Variants in NRXN3 observed in about 807,000 individuals in gnomAD.
NRXN3 encodes neurexin III.
In NRXN3, 32 loss-of-function variants were observed where a neutral mutation model predicts 137.6. The observed-to-expected ratio is 0.23, with a 90% CI of 0.18 to 0.31. NRXN3 has a LOEUF of 0.31. Among genes scored for constraint, NRXN3 ranks in the 10% least tolerant of loss-of-function variants. The pLI, the probability that NRXN3 is intolerant of heterozygous loss-of-function variation, is 1.00. For missense variants in NRXN3, 1,574 were observed against 2,062.5 expected, an observed-to-expected ratio of 0.76 and a Z score of 4.59; for synonymous variants, 798 against 784.5, an observed-to-expected ratio of 1.02 and a Z score of -0.29.
intron 15 of NRXN3, among the ~76,000 whole-genome samples, chr14:79,392,923 T>G (rs2094898183): frequency 7.8e-6 from 1 of 128,896 alleles, no homozygotes; most frequent in South Asian, 2.5e-4. Context: ...TGAGCCAAGA[T>G]CCTGCCACTG....
At chr14:79,786,333 T>G (rs10134488) in intron 19 of NRXN3, among the ~76,000 whole-genome samples, 19,747 of 152,204 alleles carry the variant, frequency 0.13, 1,669 homozygotes, top group African/African-American at 0.23. Flanking sequence ...ATGCAGATAT[T>G]GTTATGGATA....
chr14:78,752,137 G>C (rs2098645810), intron 8 of NRXN3, among the ~76,000 whole-genome samples: 1 of 152,348 alleles, frequency 6.6e-6, no homozygotes, highest in Non-Finnish European at 1.5e-5. Flanking sequence ...AGGCGCGGTG[G>C]CTCATGCCTG....
At chr14:78,516,554 C>CTTTCAAT (rs1041782587) in intron 4 of NRXN3, among the ~76,000 whole-genome samples, 7 of 151,528 alleles carry the variant, frequency 4.6e-5, no homozygotes, top group African/African-American at 1.5e-4. Context: ...TTGCAGGGGG[C>CTTTCAAT]TTTCAATTTT....
intron 8 of NRXN3, among the ~76,000 whole-genome samples, 185 bp from the exon 9 acceptor site, chr14:78,803,435 C>G (rs1567355498): frequency 6.6e-6 from 1 of 152,140 alleles, no homozygotes; most frequent in Non-Finnish European, 1.5e-5. Context: ...AATAGAGCCT[C>G]AGAGGTTAAG....
chr14:78,628,752 T>C (rs1470411911), intron 4 of NRXN3, among the ~76,000 whole-genome samples: 12 of 152,200 alleles, frequency 7.9e-5, no homozygotes, highest in Admixed American at 7.9e-4. Flanking sequence ...TAGAGCTCTG[T>C]CACCTTGGGA....
chr14:78,748,131 G>T (rs1177571888), intron 8 of NRXN3, among the ~76,000 whole-genome samples: 1 of 152,008 alleles, frequency 6.6e-6, no homozygotes, highest in Non-Finnish European at 1.5e-5. Context: ...TCTACTCTCT[G>T]CTGGGTATTG....
chr14:79,550,598 C>G (rs2008386), intron 16 of NRXN3, among the ~76,000 whole-genome samples: 134,089 of 152,126 alleles, frequency 0.88, 59,327 homozygotes, highest in Admixed American at 0.92. Flanking sequence ...TGGGCATTCA[C>G]AGTAGTCCAG....
At chr14:79,843,910 A>G (rs942355920) in intron 20 of NRXN3, among the ~76,000 whole-genome samples, 2 of 151,836 alleles carry the variant, frequency 1.3e-5, no homozygotes, top group Non-Finnish European at 2.9e-5. Flanking sequence ...CCCCCTCCCA[A>G]CCTTCAAGTC....
chr14:78,564,756 C>T (rs2096822039), intron 4 of NRXN3, among the ~76,000 whole-genome samples: 1 of 152,128 alleles, frequency 6.6e-6, no homozygotes. Context: ...GTAGGTTTTG[C>T]CTATCATCCC....
chr14:78,823,088 G>C (rs929090388), intron 10 of NRXN3, among the ~76,000 whole-genome samples: 1 of 152,180 alleles, frequency 6.6e-6, no homozygotes, highest in African/African-American at 2.4e-5. Flanking sequence ...TTGGCATTTA[G>C]AGATGCATAG....
intron 4 of NRXN3, among the ~76,000 whole-genome samples, chr14:78,551,197 G>T (rs1397756865): frequency 2.0e-5 from 3 of 152,154 alleles, no homozygotes; most frequent in Non-Finnish European, 4.4e-5. Flanking sequence ...TCAGAGAAGG[G>T]TCCACTTAAG....
At chr14:78,934,161 C>CA (rs556509445) in intron 10 of NRXN3, among the ~76,000 whole-genome samples, 9,538 of 85,520 alleles carry the variant, frequency 0.11, 689 homozygotes, top group African/African-American at 0.25. Flanking sequence ...AAACGACAAC[C>CA]AAAAAAAAAA....
intron 16 of NRXN3, among the ~76,000 whole-genome samples, chr14:79,477,019 C>T (rs566726451): frequency 5.9e-5 from 9 of 151,836 alleles, no homozygotes; most frequent in South Asian, 2.1e-4. Context: ...AATATCTAGC[C>T]GGGGGGTAGA....
intron 20 of NRXN3, among the ~76,000 whole-genome samples, chr14:79,817,337 G>T (rs1348455611): frequency 6.6e-6 from 1 of 152,174 alleles, no homozygotes; most frequent in African/African-American, 2.4e-5. Context: ...ACAGGTATGA[G>T]CCACCGTTCC....
chr14:78,915,345 C>CAAAAAAAAAAA (rs35908076), intron 10 of NRXN3, among the ~76,000 whole-genome samples: 14 of 11,190 alleles, frequency 1.3e-3, no homozygotes, highest in African/African-American at 3.4e-3. Context: ...ACGTGTGAAG[C>CAAAAAAAAAAA]AAAAAAAAAA....
At chr14:78,504,080 T>C (rs1324515549) in intron 4 of NRXN3, among the ~76,000 whole-genome samples, 1 of 152,142 alleles carries the variant, frequency 6.6e-6, no homozygotes. Context: ...ATAATAGGAA[T>C]TGCTAAGAGG....
chr14:78,322,084 C>T (rs76372860), intron 4 of NRXN3, among the ~76,000 whole-genome samples: 3,541 of 151,184 alleles, frequency 0.023, 176 homozygotes, highest in African/African-American at 0.082. Context: ...CATACCAGCC[C>T]TTTTTTTTTA....
chr14:79,836,982 T>G (rs1385126341), intron 20 of NRXN3, among the ~76,000 whole-genome samples: 2 of 152,144 alleles, frequency 1.3e-5, no homozygotes, highest in Non-Finnish European at 1.5e-5. Flanking sequence ...CAGCTCAATA[T>G]TCCATGTGTC....
At chr14:79,823,533 A>T (rs1412924275) in intron 20 of NRXN3, among the ~76,000 whole-genome samples, 1 of 152,098 alleles carries the variant, frequency 6.6e-6, no homozygotes, top group African/African-American at 2.4e-5. Flanking sequence ...CCATGATCAC[A>T]CCACTGCACT....
Sources: allele counts gnomAD v4.1 joint callset (sites outside exome capture counted in the v4.1 genomes callset), GRCh38; gene constraint gnomAD v4.1.1; transcripts MANE v1.5; gene names NCBI Gene and HGNC (gene_info 2026-07-23, HGNC 2026-07-21).